The following CEP120 variants were observed in gnomAD, a reference collection of about 807,000 sequenced individuals.
CEP120 encodes centrosomal protein of 120 kDa.
Under a neutral mutation model 126.5 loss-of-function variants are expected in CEP120, and 113 were observed. The ratio of observed to expected loss-of-function variants is 0.89; its 90% CI spans 0.77 to 1.04. The LOEUF is 1.04. Among genes scored for constraint, CEP120 ranks in the 50% least tolerant of loss-of-function variants. The pLI is 0.00. For synonymous variants in CEP120, 400 were observed against 394.3 expected (o/e 1.01, Z -0.17); for missense variants, 1,230 against 1,155.7 (o/e 1.06, Z -0.93).
chr5:123,373,617 G>A (rs2127024306), intron 16 of CEP120, among the ~76,000 whole-genome samples: 2 of 152,196 alleles, frequency 1.3e-5, no homozygotes, highest in Middle Eastern at 3.4e-3. Context: ...GGCCTACACA[G>A]GATTCTGGGA....
intron 10 of CEP120, 68 bp from the exon 11 acceptor site, chr5:123,385,201 C>A (rs1580690037): frequency 1.6e-6 from 2 of 1,279,884 alleles, no homozygotes; most frequent in Non-Finnish European, 2.1e-6. Context: ...GAACTAAATT[C>A]TTTGAATTCC....
chr5:123,346,487 T>A lies in CEP120; in HGVS notation c.*32A>T. On this transcript the variant is annotated 3_prime_UTR_variant, in exon 20 of 20. Transcript: ENST00000306467. ...TTTACAAAGAAATTAAAATTTAGAC[T>A]TAGAGTCTCTATAAAGCTTTTCCAA... The A allele has an allele frequency of 6.8e-7, 1 of 1,461,330 alleles. No homozygotes were observed. 90.5% of individuals were successfully genotyped at this position (1,461,330 alleles called of 1,614,324 possible). A position where few individuals can be genotyped will look rare whatever the true frequency, so the allele number is the denominator to read the frequency against.
At position 123,416,090 on chromosome 5, in the gene CEP120, C is replaced by T. The variant is rs1475027065; in HGVS notation, c.241G>A (p.Ala81Thr). 6.2e-7 allele frequency: 1 copy of T among 1,613,626 alleles called. No homozygotes were observed. Among genetic ancestry groups the T allele is most frequent in the African/African-American group, 1.3e-5 (1 of 74,900 alleles). The change falls in exon 3 of 20, where the codon GCC becomes ACC. Residue 81 changes from alanine to threonine, a missense_variant. Coordinates refer to ENST00000306467, the MANE Select transcript of CEP120 (RefSeq NM_001375405.1). ...TTGGCTGAAGTTACAGGATCCAAGG[C>T]AAAACATTGGAGTTTGATAGGAGTA... Reference protein sequence around the residue: ...QRTPIKLQCFALDPVTSAKET... With the variant: ...QRTPIKLQCFTLDPVTSAKET...
rs552203939 is a variant in CEP120 at position 123,409,992 on chromosome 5, C to CCACA, written c.463+2403_463+2406dup. 3.3e-3 allele frequency among the ~76,000 whole-genome samples: 279 copies of CCACA among 83,860 alleles called. 2 individuals carry two copies. The highest frequency in any genetic ancestry group is 0.012 in the African/African-American group (254 of 21,628). 55.0% of individuals were successfully genotyped at this position (83,860 alleles called of 152,430 possible). On this transcript the variant is annotated intron_variant, in intron 4 of 19. Coordinates refer to ENST00000306467, the MANE Select transcript of CEP120 (RefSeq NM_001375405.1). ...CAAGCAAAAAAAAAAAAAAAAAAAA[C>CCACA]CACACACACACACACACACACACAA...
rs1227753181 is a variant in CEP120, at chr5:123,399,146, T to C, written c.602A>G (p.Gln201Arg). The C allele has an allele frequency of 1.9e-6, 3 of 1,608,816 alleles. No homozygotes were observed. Among genetic ancestry groups the C allele is most frequent in the Non-Finnish European group, 2.5e-6 (3 of 1,176,854 alleles). ...CATGAAAAGTCTCACCTGTTCCAAC[T>C]GGGTAGCAAATGCTATGGTCACTGA... ...IMSVTIAFAT[Q>R]LEQLIPCTMK... Residue 201 changes from glutamine to arginine, a missense_variant, in exon 5 of 20, where the codon CAG (glutamine) becomes CGG (arginine). Transcript: ENST00000306467.
chr5:123,409,365 G>C (rs181687333), intron 4 of CEP120, among the ~76,000 whole-genome samples: 1 of 152,194 alleles, frequency 6.6e-6, no homozygotes, highest in East Asian at 1.9e-4. Context: ...TCAGGTACAA[G>C]ACAAGGATGT....
At chr5:123,421,679 T>A (rs1774725545) in intron 1 of CEP120, among the ~76,000 whole-genome samples, 1 of 151,064 alleles carries the variant, frequency 6.6e-6, no homozygotes, top group Admixed American at 6.6e-5. Flanking sequence ...TGTCCTGTGA[T>A]CTCCCCACGT....
At chr5:123,380,705 A>T (rs1175679715) in intron 14 of CEP120, among the ~76,000 whole-genome samples, 1 of 152,154 alleles carries the variant, frequency 6.6e-6, no homozygotes, top group Non-Finnish European at 1.5e-5. Flanking sequence ...ACTCTTCAAC[A>T]CAATGAAGAG....
At position 123,346,301 on chromosome 5, in the gene CEP120, A is replaced by G; in HGVS notation, c.*218T>C. On this transcript the variant is annotated 3_prime_UTR_variant, in exon 20 of 20. Transcript: ENST00000306467. ...TATGAAAAACACTGAAAAGTCATTT[A>G]AAATGAGTATATAAATGCAAATTAC... 2 of 423,000 alleles carry G rather than the reference A, an allele frequency of 4.7e-6. No individual in the cohort carries two copies. Among genetic ancestry groups the G allele is most frequent in the Non-Finnish European group, 8.3e-6 (2 of 240,046 alleles). 26.2% of individuals were successfully genotyped at this position (423,000 alleles called of 1,614,324 possible).
intron 17 of CEP120, among the ~76,000 whole-genome samples, chr5:123,371,626 C>A (rs972788136): frequency 6.6e-6 from 1 of 152,006 alleles, no homozygotes; most frequent in Non-Finnish European, 1.5e-5. Flanking sequence ...GGAGGATGGC[C>A]TGAAGGAAGC....
intron 6 of CEP120, among the ~76,000 whole-genome samples, chr5:123,391,807 C>T (rs561146094): frequency 2.7e-3 from 407 of 151,988 alleles, no homozygotes; most frequent in Non-Finnish European, 4.5e-3. Flanking sequence ...GTTTTTTTCA[C>T]CCATAAGATA....
At chr5:123,387,187 G>A (rs1462494695) in intron 9 of CEP120, among the ~76,000 whole-genome samples, 3 of 152,016 alleles carry the variant, frequency 2.0e-5, no homozygotes, top group African/African-American at 7.2e-5. Flanking sequence ...TGTATTTAAA[G>A]CCAAATATAA....
At chr5:123,386,341 C>A (rs1170809422) in intron 10 of CEP120, among the ~76,000 whole-genome samples, 177 bp downstream of exon 10, 1 of 152,090 alleles carries the variant, frequency 6.6e-6, no homozygotes, top group Non-Finnish European at 1.5e-5. Flanking sequence ...ATAAACCATG[C>A]AAAACCCTGT....
At chr5:123,363,757 A>G (rs1770256708) in intron 18 of CEP120, among the ~76,000 whole-genome samples, 1 of 151,530 alleles carries the variant, frequency 6.6e-6, no homozygotes, top group Non-Finnish European at 1.5e-5. Context: ...CATATTAAGA[A>G]AAATACAAAC....
chr5:123,419,458 A>G (rs549842129), intron 1 of CEP120, among the ~76,000 whole-genome samples: 3 of 151,896 alleles, frequency 2.0e-5, no homozygotes, highest in Non-Finnish European at 2.9e-5. Flanking sequence ...GAGGCAGAAC[A>G]GCTTGAACCC....
intron 13 of CEP120, 45 bp from the exon 14 acceptor site, chr5:123,382,245 G>A: frequency 8.4e-7 from 1 of 1,194,378 alleles, no homozygotes; most frequent in Non-Finnish European, 1.2e-6. Flanking sequence ...CCCCAAATAT[G>A]TCAAATAAAT....
chr5:123,386,276 T>TA (rs1772013426), intron 10 of CEP120, among the ~76,000 whole-genome samples: 1 of 152,100 alleles, frequency 6.6e-6, no homozygotes, highest in South Asian at 2.1e-4. Context: ...TTAACAAAGT[T>TA]AAAATATCTA....
At chr5:123,372,405 C>T (rs1770914445) in intron 17 of CEP120, among the ~76,000 whole-genome samples, 1 of 152,060 alleles carries the variant, frequency 6.6e-6, no homozygotes, top group African/African-American at 2.4e-5. Context: ...TTGTAAATCC[C>T]TTCCTTACTA....
At chr5:123,421,703 C>T (rs1562105314) in intron 1 of CEP120, among the ~76,000 whole-genome samples, 2 of 150,708 alleles carry the variant, frequency 1.3e-5, no homozygotes, top group African/African-American at 4.9e-5. Flanking sequence ...CAGACCTCTA[C>T]ATCCTTGGAG....
Sources: allele counts gnomAD v4.1 joint callset (sites outside exome capture counted in the v4.1 genomes callset), GRCh38; gene constraint gnomAD v4.1.1; transcripts MANE v1.5; gene names NCBI Gene and HGNC (gene_info 2026-07-23, HGNC 2026-07-21).